LGSN: variants seen among roughly 807,000 people sequenced by gnomAD.
The protein encoded by LGSN is lengsin.
Under a neutral mutation model 19.5 loss-of-function variants are expected in LGSN, and 21 were observed. That is an observed-to-expected ratio of 1.07 (90% CI 0.76 to 1.55). The LOEUF (loss-of-function observed/expected upper bound fraction) is 1.55, where lower values mean the gene tolerates loss of function less well. Among genes scored for constraint, LGSN ranks in the 40% most tolerant of loss-of-function variants. LGSN has a pLI of 0.00. For synonymous variants in LGSN, 257 were observed against 215.6 expected (o/e 1.19, Z -1.68); for missense variants, 673 against 608.5 (o/e 1.11, Z -1.12).
At chr6:63,540,797 C>A in the LGSN span, among the ~76,000 whole-genome samples, 13,106 of 150,898 alleles carry the variant, frequency 0.087, 604 homozygotes, top group East Asian at 0.16. Context: ...AGGACCCCGT[C>A]TCTACTAGGA....
At chr6:63,374,360 CCTT>C in the LGSN span, among the ~76,000 whole-genome samples, 1 of 152,190 alleles carries the variant, frequency 6.6e-6, no homozygotes, top group Non-Finnish European at 1.5e-5. Context: ...AGTTGATACT[CCTT>C]CTGCAAATTT....
At chr6:63,513,108 C>A in the LGSN span, among the ~76,000 whole-genome samples, 1 of 152,004 alleles carries the variant, frequency 6.6e-6, no homozygotes, top group African/African-American at 2.4e-5. Context: ...GTTCTTTCTT[C>A]TCTGGGTCCT....
At chr6:63,323,559 T>TACACACACAC (rs58400159), upstream of LGSN, among the ~76,000 whole-genome samples, 405 of 132,810 alleles carry the variant, frequency 3.0e-3, 4 homozygotes, top group African/African-American at 9.7e-3. Context: ...AAACCTCATA[T>TACACACACAC]ACACACACAC....
chr6:63,562,592 A>T, the LGSN span, among the ~76,000 whole-genome samples: 1 of 152,246 alleles, frequency 6.6e-6, no homozygotes, highest in Non-Finnish European at 1.5e-5. Flanking sequence ...TTTCTATCTC[A>T]GAGTCTGAGT....
At chr6:63,370,526 T>C in the LGSN span, among the ~76,000 whole-genome samples, 1 of 152,216 alleles carries the variant, frequency 6.6e-6, no homozygotes, top group Non-Finnish European at 1.5e-5. Flanking sequence ...GACTTTGAAT[T>C]TTGTAAGTGA....
At chr6:63,357,602 A>C in the LGSN span, among the ~76,000 whole-genome samples, 1 of 152,080 alleles carries the variant, frequency 6.6e-6, no homozygotes, top group Non-Finnish European at 1.5e-5. Flanking sequence ...ACATTTTTTC[A>C]TGTGTCTTTT....
intron 1 of LGSN, among the ~76,000 whole-genome samples, chr6:63,317,987 C>T (rs534357818): frequency 6.6e-6 from 1 of 152,298 alleles, no homozygotes; most frequent in South Asian, 2.1e-4. Flanking sequence ...ATATGCCACT[C>T]TTTCACTCAA....
At chr6:63,413,241 G>A in the LGSN span, among the ~76,000 whole-genome samples, 1 of 152,028 alleles carries the variant, frequency 6.6e-6, no homozygotes. Context: ...TGTAATTTTA[G>A]AGACACCATT....
At chr6:63,463,059 G>A in the LGSN span, among the ~76,000 whole-genome samples, 1 of 152,162 alleles carries the variant, frequency 6.6e-6, no homozygotes, top group African/African-American at 2.4e-5. Flanking sequence ...AGCATGAGTG[G>A]TAGAAACACA....
the LGSN span, among the ~76,000 whole-genome samples, chr6:63,414,322 TCCC>T: frequency 1.3e-5 from 2 of 152,128 alleles, no homozygotes; most frequent in African/African-American, 2.4e-5. Flanking sequence ...CTGTAAAATA[TCCC>T]CCCATTTCCT....
the LGSN span, among the ~76,000 whole-genome samples, chr6:63,356,894 A>G: frequency 6.6e-6 from 1 of 152,012 alleles, no homozygotes; most frequent in Non-Finnish European, 1.5e-5. Context: ...GGTTTGTTAC[A>G]TATATATACA....
the LGSN span, among the ~76,000 whole-genome samples, chr6:63,472,325 A>G: frequency 2.6e-5 from 4 of 152,222 alleles, no homozygotes; most frequent in African/African-American, 9.6e-5. Context: ...CAAGATTCCG[A>G]AATTCCTTTA....
intron 3 of LGSN, among the ~76,000 whole-genome samples, chr6:63,282,528 A>G (rs553073867): frequency 8.9e-4 from 136 of 152,172 alleles, no homozygotes; most frequent in African/African-American, 3.2e-3. Context: ...AAGCCAGACT[A>G]TTTCTTATGC....
the LGSN span, among the ~76,000 whole-genome samples, chr6:63,353,849 G>A: frequency 6.6e-6 from 1 of 151,962 alleles, no homozygotes; most frequent in Non-Finnish European, 1.5e-5. Flanking sequence ...CTACATATAA[G>A]GCAACTGATT....
chr6:63,563,311 A>C, the LGSN span, among the ~76,000 whole-genome samples: 1 of 152,190 alleles, frequency 6.6e-6, no homozygotes, highest in Non-Finnish European at 1.5e-5. Context: ...CTAGATGTCC[A>C]GGCTTATTTC....
the LGSN span, among the ~76,000 whole-genome samples, chr6:63,489,934 T>A: frequency 1.3e-5 from 2 of 152,284 alleles, no homozygotes; most frequent in Admixed American, 1.3e-4. Context: ...GGTCTCGAAC[T>A]CCTGACATCA....
At chr6:63,288,167 C>T (rs1321208443) in intron 2 of LGSN, among the ~76,000 whole-genome samples, 2 of 151,168 alleles carry the variant, frequency 1.3e-5, no homozygotes, top group Non-Finnish European at 2.9e-5. Flanking sequence ...GCAGCTCCAC[C>T]AAGGAGCTGA....
the LGSN span, among the ~76,000 whole-genome samples, chr6:63,419,114 T>C: frequency 4.5e-4 from 68 of 151,986 alleles, no homozygotes; most frequent in African/African-American, 1.5e-3. Context: ...CTGGGATACA[T>C]GAGACAAAAA....
At chr6:63,339,331 T>C in the LGSN span, among the ~76,000 whole-genome samples, 2 of 152,194 alleles carry the variant, frequency 1.3e-5, no homozygotes, top group Non-Finnish European at 2.9e-5. Context: ...CTAATAATCT[T>C]TGCTTTACCT....
Sources: allele counts gnomAD v4.1 joint callset (sites outside exome capture counted in the v4.1 genomes callset), GRCh38; gene constraint gnomAD v4.1.1; transcripts MANE v1.5; gene names NCBI Gene and HGNC (gene_info 2026-07-23, HGNC 2026-07-21).